AFG2A: variants seen among roughly 807,000 people sequenced by gnomAD.
AFG2A encodes the protein ATPase family gene 2 protein homolog A.
the AFG2A span, among the ~76,000 whole-genome samples, chr4:122,986,179 GT>G: frequency 6.6e-6 from 1 of 151,990 alleles, no homozygotes; most frequent in South Asian, 2.1e-4. Context: ...ATTGAGGCTC[GT>G]TTTATGGCCT....
chr4:123,215,149 T>C, the AFG2A span, among the ~76,000 whole-genome samples: 1 of 152,062 alleles, frequency 6.6e-6, no homozygotes, highest in East Asian at 1.9e-4. Flanking sequence ...TTGAAAAAAT[T>C]TTAATTCTTC....
At chr4:123,314,109 ATTTG>A in the AFG2A span, 3 of 1,444,204 alleles carry the variant, frequency 2.1e-6, no homozygotes, top group Admixed American at 2.7e-5. Context: ...TCCAGAGAAA[ATTTG>A]TTTCTTTTTA....
chr4:122,935,352 G>A, the AFG2A span, among the ~76,000 whole-genome samples: 2 of 152,092 alleles, frequency 1.3e-5, no homozygotes, highest in African/African-American at 2.4e-5. Flanking sequence ...TACTCTTCAA[G>A]ATGGTTAGTT....
chr4:123,006,364 G>A, the AFG2A span, among the ~76,000 whole-genome samples: 1 of 151,598 alleles, frequency 6.6e-6, no homozygotes, highest in South Asian at 2.1e-4. Flanking sequence ...GTTATCATGT[G>A]CCTTGGTAGT....
At chr4:123,124,611 C>T in the AFG2A span, among the ~76,000 whole-genome samples, 4 of 152,208 alleles carry the variant, frequency 2.6e-5, no homozygotes, top group African/African-American at 9.6e-5. Context: ...ACGTTGTGCA[C>T]ATGTACCCTG....
chr4:123,025,332 G>A, the AFG2A span, among the ~76,000 whole-genome samples: 2 of 152,168 alleles, frequency 1.3e-5, no homozygotes, highest in African/African-American at 4.8e-5. Flanking sequence ...GAGAGAACCT[G>A]GGAAATTTGA....
chr4:123,074,239 C>T, the AFG2A span, among the ~76,000 whole-genome samples: 65 of 151,600 alleles, frequency 4.3e-4, no homozygotes, highest in Admixed American at 2.6e-3. Flanking sequence ...GGATTACAGG[C>T]GCACGCCACC....
At chr4:123,180,732 T>G in the AFG2A span, among the ~76,000 whole-genome samples, 1 of 152,224 alleles carries the variant, frequency 6.6e-6, no homozygotes, top group African/African-American at 2.4e-5. Context: ...TAATTCCTCC[T>G]TTATAAAGAA....
chr4:123,315,610 A>C, the AFG2A span: 1 of 152,134 alleles, frequency 6.6e-6, no homozygotes, highest in African/African-American at 2.4e-5. Context: ...CTCTTGAAAA[A>C]GCTTTCAGAA....
At chr4:123,046,218 T>C in the AFG2A span, among the ~76,000 whole-genome samples, 1 of 152,220 alleles carries the variant, frequency 6.6e-6, no homozygotes, top group Non-Finnish European at 1.5e-5. Context: ...GATTTCTCAG[T>C]ATCACTATTT....
At chr4:123,303,251 A>T in the AFG2A span, among the ~76,000 whole-genome samples, 1 of 152,234 alleles carries the variant, frequency 6.6e-6, no homozygotes, top group Non-Finnish European at 1.5e-5. Context: ...AATCAATTTT[A>T]TAAATTTTTA....
the AFG2A span, among the ~76,000 whole-genome samples, chr4:123,026,900 TG>T: frequency 6.6e-6 from 1 of 152,246 alleles, no homozygotes; most frequent in African/African-American, 2.4e-5. Flanking sequence ...TTCCCAAACA[TG>T]TTCCCTTATT....
the AFG2A span, among the ~76,000 whole-genome samples, chr4:123,227,413 T>C: frequency 6.6e-6 from 1 of 152,230 alleles, no homozygotes; most frequent in South Asian, 2.1e-4. Context: ...ACGTTGTGTC[T>C]TTGTTCTCGT....
At chr4:123,184,096 C>T in the AFG2A span, among the ~76,000 whole-genome samples, 1 of 152,030 alleles carries the variant, frequency 6.6e-6, no homozygotes, top group Non-Finnish European at 1.5e-5. Context: ...ATACCTGGCC[C>T]CGACCTGATT....
At chr4:122,947,103 C>CGTAAAAGTAATTGATAGGTAATGAAAGA in the AFG2A span, 1 of 726,002 alleles carries the variant, frequency 1.4e-6, no homozygotes. Context: ...GTAATGAAAG[C>CGTAAAAGTAATTGATAGGTAATGAAAGA]GTAAGAAATA....
chr4:123,199,847 A>G, the AFG2A span, among the ~76,000 whole-genome samples: 1 of 152,182 alleles, frequency 6.6e-6, no homozygotes, highest in African/African-American at 2.4e-5. Flanking sequence ...AGTTAATCCC[A>G]TGGCAGAATG....
At chr4:123,151,280 T>G in the AFG2A span, among the ~76,000 whole-genome samples, 9 of 152,058 alleles carry the variant, frequency 5.9e-5, no homozygotes, top group African/African-American at 1.9e-4. Flanking sequence ...GGGATCTAAT[T>G]AAACTAAAGA....
At chr4:123,247,224 C>CGTGCGTGT in the AFG2A span, among the ~76,000 whole-genome samples, 1 of 149,658 alleles carries the variant, frequency 6.7e-6, no homozygotes, top group Non-Finnish European at 1.5e-5. Flanking sequence ...TACTTGCGTG[C>CGTGCGTGT]GTGTGTGTGT....
the AFG2A span, among the ~76,000 whole-genome samples, chr4:122,995,439 C>T: frequency 6.6e-6 from 1 of 152,144 alleles, no homozygotes; most frequent in Non-Finnish European, 1.5e-5. Flanking sequence ...CAGGAAAGCA[C>T]ATTTGGGAAA....
Sources: allele counts gnomAD v4.1 joint callset (sites outside exome capture counted in the v4.1 genomes callset), GRCh38; gene constraint gnomAD v4.1.1; transcripts MANE v1.5; gene names NCBI Gene and HGNC (gene_info 2026-07-23, HGNC 2026-07-21).